The following BAIAP2 variants were observed in gnomAD, a reference collection of about 807,000 sequenced individuals.
BAIAP2 encodes the protein BAR/IMD domain-containing adapter protein 2.
BAIAP2 carries 18 observed loss-of-function variants against 63.0 expected under a neutral mutation model. The observed-to-expected ratio is 0.29, with a 90% CI of 0.20 to 0.42. The LOEUF (loss-of-function observed/expected upper bound fraction) is 0.42. Ranked by LOEUF, BAIAP2 falls within the 10% of genes least tolerant of loss-of-function variation. The probability of loss-of-function intolerance (pLI) is 1.00; values close to 1 mark genes in which losing one functional copy is unlikely to be tolerated. For synonymous variants in BAIAP2, 386 were observed against 307.6 expected (o/e 1.25, Z -2.67); for missense variants, 610 against 734.3 (o/e 0.83, Z 1.96).
chr17:81,061,146 G>A (rs532663611), intron 3 of BAIAP2, among the ~76,000 whole-genome samples: 8 of 152,282 alleles, frequency 5.3e-5, no homozygotes, highest in South Asian at 2.1e-4. Flanking sequence ...AGACATCATC[G>A]AAAGGATTCT....
intron 6 of BAIAP2, among the ~76,000 whole-genome samples, chr17:81,091,788 C>T (rs1262030765): frequency 3.9e-5 from 6 of 152,254 alleles, no homozygotes; most frequent in African/African-American, 1.4e-4. Context: ...CAGATGCCTC[C>T]CTGCGGTTCC....
At chr17:81,085,916 T>C (rs1464173579) in intron 5 of BAIAP2, among the ~76,000 whole-genome samples, 191 bp downstream of exon 5, 2 of 152,234 alleles carry the variant, frequency 1.3e-5, no homozygotes, top group Non-Finnish European at 2.9e-5. Flanking sequence ...AACCTGTGGG[T>C]GAATCCGTTG....
In BAIAP2 at chr17:81,116,582, C is replaced by T. The variant is rs1190483290; in HGVS notation, c.*743C>T. On this transcript the variant is annotated 3_prime_UTR_variant, in exon 14 of 14. Coordinates refer to ENST00000428708, the MANE Select transcript of BAIAP2 (RefSeq NM_001144888.2). ...CTATGCGGGGTCACCAGCAGAGTGC[C>T]CGCTGGCAGGTGGGGGCTTCCCCGC... 1 of 483,024 alleles carries T rather than the reference C, an allele frequency of 2.1e-6. No homozygotes were observed. The highest frequency in any genetic ancestry group is 1.9e-5 in the African/African-American group (1 of 51,704). 29.9% of individuals were successfully genotyped at this position (483,024 alleles called of 1,614,324 possible).
chr17:81,113,399 A>G (rs2060134256), intron 13 of BAIAP2, among the ~76,000 whole-genome samples: 1 of 152,190 alleles, frequency 6.6e-6, no homozygotes, highest in Non-Finnish European at 1.5e-5. Context: ...ACGTGTGGTG[A>G]CCTTGCAGTG....
At chr17:81,068,562 C>T (rs775795160) in intron 3 of BAIAP2, among the ~76,000 whole-genome samples, 4 of 152,208 alleles carry the variant, frequency 2.6e-5, no homozygotes, top group Admixed American at 6.5e-5. Flanking sequence ...AAACAAAGCC[C>T]ACGACCCAAG....
intron 13 of BAIAP2, chr17:81,110,041 CAG>C: frequency 2.0e-6 from 2 of 985,494 alleles, no homozygotes; most frequent in Non-Finnish European, 2.4e-6. Flanking sequence ...ACAGTGGACT[CAG>C]TGGCTACTGG....
intron 13 of BAIAP2, chr17:81,110,849 TCCTCTGCACCC>T: frequency 6.2e-7 from 1 of 1,601,908 alleles, no homozygotes; most frequent in Non-Finnish European, 8.5e-7. Context: ...TGGTCCCCCC[TCCTCTGCACCC>T]CCGAGTCCTC....
intron 3 of BAIAP2, among the ~76,000 whole-genome samples, chr17:81,058,557 C>T (rs1034027361): frequency 5.9e-5 from 9 of 152,250 alleles, no homozygotes; most frequent in African/African-American, 2.2e-4. Context: ...GTCCCCTCAC[C>T]TAGCAGGGTG....
chr17:81,037,441 T>G (rs1317065402), intron 1 of BAIAP2, among the ~76,000 whole-genome samples: 1 of 152,238 alleles, frequency 6.6e-6, no homozygotes, highest in East Asian at 1.9e-4. Flanking sequence ...CTTTTTGTGC[T>G]TTGTCACTGG....
At chr17:81,072,312 T>A (rs771848950) in intron 3 of BAIAP2, among the ~76,000 whole-genome samples, 27 of 152,100 alleles carry the variant, frequency 1.8e-4, no homozygotes, top group Non-Finnish European at 3.7e-4. Flanking sequence ...CTCCTTCACC[T>A]CCTCCTGCGC....
At chr17:81,036,844 G>A (rs1422528932) in intron 1 of BAIAP2, 1 of 1,528,666 alleles carries the variant, frequency 6.5e-7, no homozygotes, top group Non-Finnish European at 8.8e-7. Flanking sequence ...GCTCCATTAC[G>A]ACTTGTTTGT....
Position 81,103,740 on chromosome 17 carries a change from T to C in BAIAP2, c.864+17T>C, listed in dbSNP as rs1451514068. The C allele has an allele frequency of 6.7e-7, 1 of 1,498,694 alleles. No homozygotes were observed. Among genetic ancestry groups the C allele is most frequent in the Admixed American group, 1.8e-5 (1 of 55,752 alleles). 92.8% of individuals were successfully genotyped at this position (1,498,694 alleles called of 1,614,324 possible). A position where few individuals can be genotyped will look rare whatever the true frequency, so the allele number is the denominator to read the frequency against. On this transcript the variant is annotated intron_variant, in intron 8 of 13. Transcript: ENST00000428708. ...TTCGTGGGGGTGAGTCTGTGGCCTC[T>C]GGAAAGCTTCACGGGTGTGGGTGGG...
chr17:81,116,427 A>C lies in BAIAP2; in HGVS notation c.*588A>C. 49 of 1,324,370 alleles carry C rather than the reference A, an allele frequency of 3.7e-5. No individual in the cohort carries two copies. The highest frequency in any genetic ancestry group is 4.6e-5 in the Non-Finnish European group (44 of 964,452). 82.0% of individuals were successfully genotyped at this position (1,324,370 alleles called of 1,614,324 possible). A position where few individuals can be genotyped will look rare whatever the true frequency, so the allele number is the denominator to read the frequency against. On this transcript the variant is annotated 3_prime_UTR_variant, in exon 14 of 14. Transcript: ENST00000428708. Reference sequence around the variant, plus strand: ...GCCCCTCACTCCCACTGGCAATGTCACAAGGGCCTCCCCAGGCCCCTCCTG... The same window carrying C: ...GCCCCTCACTCCCACTGGCAATGTCCCAAGGGCCTCCCCAGGCCCCTCCTG...
chr17:81,062,668 G>C (rs959798390), intron 3 of BAIAP2, among the ~76,000 whole-genome samples: 8 of 148,828 alleles, frequency 5.4e-5, no homozygotes, highest in African/African-American at 1.7e-4. Context: ...CCACCATTTG[G>C]GGAATTGTCT....
At chr17:81,089,286 T>C (rs551801392) in intron 6 of BAIAP2, among the ~76,000 whole-genome samples, 161 of 152,320 alleles carry the variant, frequency 1.1e-3, no homozygotes, top group African/African-American at 3.0e-3. Context: ...TCATGGGGGC[T>C]GTGAGCCACC....
chr17:81,108,728 G>C, intron 13 of BAIAP2: 1 of 860,476 alleles, frequency 1.2e-6, no homozygotes, highest in Non-Finnish European at 1.8e-6. Context: ...ATCGCATCTG[G>C]CCGGCCCCAT....
At position 81,102,806 on chromosome 17, in the gene BAIAP2, G is replaced by A. The variant is rs551866200; in HGVS notation, c.643-696G>A. 6.0e-4 allele frequency among the ~76,000 whole-genome samples: 92 copies of A among 152,358 alleles called. 2 individuals are homozygous for A. The South Asian group carries it at 0.017, about 29-fold the overall frequency. ...TAGCAGTTCTGGCCCACAGCTTAAG[G>A]GTCTGGGGGTCCCGGGAATCCAGGC... On this transcript the variant is annotated intron_variant, in intron 7 of 13. Coordinates refer to ENST00000428708, the MANE Select transcript of BAIAP2 (RefSeq NM_001144888.2).
intron 3 of BAIAP2, among the ~76,000 whole-genome samples, chr17:81,067,523 T>G (rs2051717140): frequency 1.3e-5 from 2 of 152,290 alleles, no homozygotes; most frequent in South Asian, 4.1e-4. Context: ...CCGTCCTGAT[T>G]GGATTGGCCG....
At chr17:81,053,593 C>A in intron 1 of BAIAP2, 75 bp from the exon 2 acceptor site, 1 of 1,541,424 alleles carries the variant, frequency 6.5e-7, no homozygotes, top group Non-Finnish European at 9.0e-7. Flanking sequence ...GGGTTTTCTC[C>A]TCTGTGTTCG....
Sources: allele counts gnomAD v4.1 joint callset (sites outside exome capture counted in the v4.1 genomes callset), GRCh38; gene constraint gnomAD v4.1.1; transcripts MANE v1.5; gene names NCBI Gene and HGNC (gene_info 2026-07-23, HGNC 2026-07-21).